Variants in RASL12 observed in about 807,000 individuals in gnomAD.
RASL12 encodes ras-like protein family member 12.
In RASL12, 16 loss-of-function variants were observed where a neutral mutation model predicts 22.9. That is an observed-to-expected ratio of 0.70 (90% CI 0.47 to 1.06). The LOEUF is 1.06. Among genes scored for constraint, RASL12 ranks in the 50% least tolerant of loss-of-function variants. The pLI is 0.00. For missense variants in RASL12, 306 were observed against 353.1 expected, an observed-to-expected ratio of 0.87 and a Z score of 1.07; for synonymous variants, 159 against 152.2, an observed-to-expected ratio of 1.04 and a Z score of -0.33.
At chr15:65,065,071 T>A in intron 2 of RASL12, 146 bp downstream of exon 2, 1 of 683,766 alleles carries the variant, frequency 1.5e-6, no homozygotes, top group Non-Finnish European at 2.4e-6. Context: ...TAAAACATTT[T>A]CCCCCATGGG....
downstream of RASL12, chr15:65,052,952 C>A: frequency 6.9e-7 from 1 of 1,458,498 alleles, no homozygotes; most frequent in Non-Finnish European, 9.3e-7. Flanking sequence ...TAACACTGTT[C>A]CCTGTCCCCC....
Position 65,058,612 on chromosome 15 carries a change from G to A in RASL12, c.240C>T (p.Thr80=). The A allele has an allele frequency of 6.5e-7, 1 of 1,535,810 alleles. No homozygotes were observed. Among genetic ancestry groups the A allele is most frequent in the Non-Finnish European group, 8.8e-7 (1 of 1,130,946 alleles). ...TCAGGTAGCGCTCGCAGTTCCTGGG[G>A]GTGTCCTGGGGTGAAGGTGAGAAGC... ...LRVMDTADLD[T]PRNCERYLNW... The change falls in exon 4 of 5, where the codon ACC becomes ACT. Residue 80 remains threonine, a synonymous_variant. Coordinates refer to ENST00000220062, the MANE Select transcript of RASL12 (RefSeq NM_016563.4).
chr15:65,074,943 C>T (rs2086954781), intron 1 of RASL12, among the ~76,000 whole-genome samples: 1 of 152,246 alleles, frequency 6.6e-6, no homozygotes, highest in African/African-American at 2.4e-5. Context: ...AGCCCTTCAG[C>T]CCACCACTGC....
the RASL12 span, among the ~76,000 whole-genome samples, chr15:65,047,180 A>G: frequency 1.3e-5 from 2 of 151,774 alleles, no homozygotes; most frequent in African/African-American, 4.8e-5. Context: ...TACTAAAAAT[A>G]CAAAAATTAG....
chr15:65,062,519 T>A (rs1398361277), intron 2 of RASL12, among the ~76,000 whole-genome samples: 1 of 152,242 alleles, frequency 6.6e-6, no homozygotes, highest in Non-Finnish European at 1.5e-5. Flanking sequence ...CTGAGCCCTC[T>A]CTTCCTCCAT....
At chr15:65,051,575 T>G (rs1398608898), downstream of RASL12, 1 of 1,613,554 alleles carries the variant, frequency 6.2e-7, no homozygotes, top group Non-Finnish European at 8.5e-7. Context: ...ATAAGCATGG[T>G]CCTCCTGGGA....
chr15:65,067,673 T>C (rs1282827319), intron 1 of RASL12, 60 bp downstream of exon 1: 4 of 1,488,664 alleles, frequency 2.7e-6, no homozygotes, highest in East Asian at 2.9e-5. Flanking sequence ...CACAGCCCAC[T>C]GTCCCCCCAC....
rs1355016381 is a variant in RASL12, at chr15:65,053,784, C to A, written c.*1115G>T. On this transcript the variant is annotated 3_prime_UTR_variant, in exon 5 of 5. Coordinates refer to ENST00000220062, the MANE Select transcript of RASL12 (RefSeq NM_016563.4). ...ACAAAATCAGACAACTACCACACTG[C>A]CTGCCTTGGACAGCCTTTTCTTGCT... The A allele has an allele frequency of 1.6e-5, 16 of 986,140 alleles. No homozygotes were observed. Among genetic ancestry groups the A allele is most frequent in the Non-Finnish European group, 1.9e-5 (16 of 830,298 alleles). The allele number at this position is 986,140 out of a possible 1,614,324, so 61.1% of individuals were successfully genotyped here. A position where few individuals can be genotyped will look rare whatever the true frequency, so the allele number is the denominator to read the frequency against.
chr15:65,070,347 AGG>A (rs2086922937), upstream of RASL12, among the ~76,000 whole-genome samples: 1 of 152,268 alleles, frequency 6.6e-6, no homozygotes, highest in Non-Finnish European at 1.5e-5. Context: ...CCATGGCCCA[AGG>A]AAGTGGAGGT....
At chr15:65,068,031 G>A, upstream of RASL12, 2 of 1,123,026 alleles carry the variant, frequency 1.8e-6, no homozygotes, top group East Asian at 4.9e-5. The surrounding 1 kb of genome is among the most constrained non-coding windows in gnomAD (Gnocchi z 4.2). Flanking sequence ...AGCCTGGCGG[G>A]CGGGGCCACC....
chr15:65,069,722 C>T (rs1342073888), upstream of RASL12, among the ~76,000 whole-genome samples: 1 of 152,196 alleles, frequency 6.6e-6, no homozygotes, highest in Non-Finnish European at 1.5e-5. Context: ...AACCCCTCTC[C>T]CCTGACACTG....
intron 4 of RASL12, 96 bp downstream of exon 4, chr15:65,058,331 T>C: frequency 1.0e-6 from 1 of 995,340 alleles, no homozygotes; most frequent in Non-Finnish European, 1.4e-6. Flanking sequence ...AGGGGATGAC[T>C]GTTCTTAGCA....
chr15:65,067,830 G>A lies in RASL12; in HGVS notation c.6C>T (p.Ser2=). Residue 2 remains serine (S), a synonymous_variant, in exon 1 of 5, where the codon TCC becomes TCT. Coordinates refer to ENST00000220062, the MANE Select transcript of RASL12 (RefSeq NM_016563.4). M[S]SVFGKPRAGS... is the part of the protein sequence containing the mutation. ...CCGCGCGGGGTTTTCCAAACACCGA[G>A]GACATGGCGACGCCCTGGACGGCCA... is the stretch of plus-strand genomic sequence containing the variant. 1 of 1,552,486 alleles carries A rather than the reference G, an allele frequency of 6.4e-7. No individual in the cohort carries two copies. The highest frequency in any genetic ancestry group is 2.5e-5 in the East Asian group (1 of 39,756).
At chr15:65,065,538 G>A (rs1351756432) in intron 1 of RASL12, among the ~76,000 whole-genome samples, 1 of 152,170 alleles carries the variant, frequency 6.6e-6, no homozygotes, top group Non-Finnish European at 1.5e-5. Flanking sequence ...CCTAAGGGGT[G>A]TTTGGAAGGT....
chr15:65,050,103 T>C (rs1322532832), downstream of RASL12: 1 of 1,551,126 alleles, frequency 6.4e-7, no homozygotes, highest in South Asian at 1.2e-5. Flanking sequence ...TGGAAGATGG[T>C]AAGTGGTGAG....
rs749402876 is a variant in RASL12 at position 65,054,886 on chromosome 15, T to C, written c.*13A>G. 6.2e-7 allele frequency: 1 copy of C among 1,601,256 alleles called. No homozygotes were observed. Among genetic ancestry groups the C allele is most frequent in the East Asian group, 2.2e-5 (1 of 44,660 alleles). On this transcript the variant is annotated 3_prime_UTR_variant, in exon 5 of 5. Transcript: ENST00000220062. Reference sequence around the variant, plus strand: ...GTCCAGCCACCGAGCCTAGGCTTCCTGGGGAGGGGGCCTCAGAAGATCTTG... The same window carrying C: ...GTCCAGCCACCGAGCCTAGGCTTCCCGGGGAGGGGGCCTCAGAAGATCTTG...
At position 65,053,392 on chromosome 15, in the gene RASL12, A is replaced by G. The variant is rs1317621521; in HGVS notation, c.*1507T>C. On this transcript the variant is annotated 3_prime_UTR_variant, in exon 5 of 5. Coordinates refer to ENST00000220062, the MANE Select transcript of RASL12 (RefSeq NM_016563.4). The stretch of plus-strand genomic sequence containing the variant: ...ATGCTCCTGGAAGGGAGCAGGTGGT[A>G]TTGCATAGTTTGTTCAGATGGCAGT... The G allele has an allele frequency of 3.8e-5, 52 of 1,358,282 alleles. No homozygotes were observed. Among genetic ancestry groups the G allele is most frequent in the Non-Finnish European group, 4.7e-5 (50 of 1,058,038 alleles). The allele number at this position is 1,358,282 out of a possible 1,614,324, so 84.1% of individuals were successfully genotyped here. A position where few individuals can be genotyped will look rare whatever the true frequency, so the allele number is the denominator to read the frequency against.
At chr15:65,072,562 G>A (rs927024446), upstream of RASL12, among the ~76,000 whole-genome samples, 6 of 152,130 alleles carry the variant, frequency 3.9e-5, no homozygotes, top group African/African-American at 7.2e-5. Context: ...CATTTTACAC[G>A]TCTGGGCCTC....
intron 2 of RASL12, among the ~76,000 whole-genome samples, chr15:65,063,693 C>G (rs1337304511): frequency 6.6e-6 from 1 of 150,414 alleles, no homozygotes; most frequent in Non-Finnish European, 1.5e-5. Flanking sequence ...CTGTTTGACA[C>G]CCTGGGGTTC....
Sources: gnomAD v4.1 joint callset for allele counts (sites outside exome capture counted in the v4.1 genomes callset) on GRCh38, gnomAD v4.1.1 for gene constraint, Gnocchi (gnomAD v3.1) non-coding constraint, MANE v1.5 for transcripts, NCBI Gene and HGNC (gene_info 2026-07-23, HGNC 2026-07-21) for gene names.